DOCK2: variants seen among roughly 807,000 people sequenced by gnomAD.
The protein encoded by DOCK2 is dedicator of cytokinesis protein 2.
In DOCK2, 87 loss-of-function variants were observed where a neutral mutation model predicts 248.9. That is an observed-to-expected ratio of 0.35 (90% CI 0.29 to 0.42). DOCK2 has a LOEUF of 0.42. DOCK2 is among the 10% of genes least tolerant of loss of function. DOCK2 has a pLI of 1.00. For synonymous variants in DOCK2, 805 were observed against 821.6 expected, an observed-to-expected ratio of 0.98 and a Z score of 0.35; for missense variants, 1,747 against 2,300.2, an observed-to-expected ratio of 0.76 and a Z score of 4.92.
intron 27 of DOCK2, among the ~76,000 whole-genome samples, chr5:169,945,657 C>T (rs1776418442): frequency 1.3e-5 from 2 of 152,226 alleles, no homozygotes; most frequent in South Asian, 2.1e-4. Flanking sequence ...GTGGCCTCTT[C>T]ACACGGGTAC....
chr5:170,027,958 G>T lies in DOCK2; in HGVS notation c.3467+10G>T. 6.2e-7 allele frequency: 1 copy of T among 1,609,496 alleles called. No homozygotes were observed. The highest frequency in any genetic ancestry group is 8.5e-7 in the Non-Finnish European group (1 of 1,177,390). ...AGCTCCTGGAGTCAATGTAAGTTCAGTGCCCTGTGTGTAGGAACAGCCTGT... is the reference window on the plus strand; with the variant it reads ...AGCTCCTGGAGTCAATGTAAGTTCATTGCCCTGTGTGTAGGAACAGCCTGT... On this transcript the variant is annotated intron_variant, in intron 34 of 51. Transcript: ENST00000520908.
intron 23 of DOCK2, among the ~76,000 whole-genome samples, chr5:169,755,942 A>G (rs1764173785): frequency 6.6e-6 from 1 of 152,210 alleles, no homozygotes; most frequent in South Asian, 2.1e-4. Flanking sequence ...GACCATAGAC[A>G]GAAGTCCTCT....
At chr5:169,947,853 T>C (rs1776507452) in intron 27 of DOCK2, among the ~76,000 whole-genome samples, 1 of 151,772 alleles carries the variant, frequency 6.6e-6, no homozygotes, top group Non-Finnish European at 1.5e-5. Context: ...ACCTACAGCA[T>C]ACATGGTGCC....
chr5:169,803,256 T>G (rs372623074), intron 26 of DOCK2, 50 bp downstream of exon 26: 1 of 1,577,852 alleles, frequency 6.3e-7, no homozygotes, highest in East Asian at 2.3e-5. Flanking sequence ...TAGGGCTAAG[T>G]TGATTACATT....
At chr5:169,875,334 G>A (rs751826555) in intron 27 of DOCK2, 15 of 456,536 alleles carry the variant, frequency 3.3e-5, no homozygotes, top group South Asian at 1.5e-4. Flanking sequence ...AGGAGGTTCC[G>A]ATGCAGATGG....
intron 27 of DOCK2, among the ~76,000 whole-genome samples, chr5:169,939,622 G>C (rs1776150317): frequency 6.6e-6 from 1 of 152,094 alleles, no homozygotes; most frequent in Non-Finnish European, 1.5e-5. Flanking sequence ...GTGATGCATT[G>C]TGTTATGACA....
At chr5:169,722,021 A>C (rs996455841) in intron 22 of DOCK2, among the ~76,000 whole-genome samples, 1 of 152,192 alleles carries the variant, frequency 6.6e-6, no homozygotes, top group Non-Finnish European at 1.5e-5. Flanking sequence ...CTTATGAGTA[A>C]TTCCTAAATT....
chr5:169,858,474 A>G (rs527628083), intron 27 of DOCK2, among the ~76,000 whole-genome samples: 100 of 152,268 alleles, frequency 6.6e-4, no homozygotes, highest in African/African-American at 2.4e-3. Context: ...GGTAGGTCCA[A>G]GAAAGCCAAG....
intron 27 of DOCK2, among the ~76,000 whole-genome samples, chr5:169,897,772 C>G (rs990359700): frequency 6.6e-6 from 1 of 152,214 alleles, no homozygotes; most frequent in Non-Finnish European, 1.5e-5. Context: ...CATGGGGAAG[C>G]TCTCACTGCA....
intron 26 of DOCK2, among the ~76,000 whole-genome samples, chr5:169,823,531 C>T (rs192883459): frequency 6.6e-6 from 1 of 152,344 alleles, no homozygotes; most frequent in Admixed American, 6.5e-5. Context: ...ACATGACTGT[C>T]TCAATAGATG....
chr5:169,663,356 T>C (rs1259550923), intron 2 of DOCK2, among the ~76,000 whole-genome samples: 1 of 152,246 alleles, frequency 6.6e-6, no homozygotes, highest in African/African-American at 2.4e-5. Flanking sequence ...AAGCTGTTGG[T>C]GGATCTACAA....
In DOCK2 at chr5:169,637,284, CT is replaced by C. The variant is rs762863565; in HGVS notation, c.-42del. The C allele has an allele frequency of 2.1e-5, 30 of 1,436,588 alleles. No homozygotes were observed. The highest frequency in any genetic ancestry group is 2.6e-5 in the Non-Finnish European group (29 of 1,099,058). The allele number at this position is 1,436,588 out of a possible 1,614,324, so 89.0% of individuals were successfully genotyped here. On this transcript the variant is annotated 5_prime_UTR_variant, in exon 1 of 52. Coordinates refer to ENST00000520908, the MANE Select transcript of DOCK2 (RefSeq NM_004946.3). ...GGGCCCTGCGGCGCCCAGCCACCCC[CT>C]GACGGCTTCCCCACGGGAGGACGCG...
intron 44 of DOCK2, among the ~76,000 whole-genome samples, chr5:170,062,059 G>A (rs1757347137): frequency 6.6e-6 from 1 of 152,006 alleles, no homozygotes; most frequent in South Asian, 2.1e-4. Context: ...GTGTGCATGT[G>A]TGGATGCATG....
chr5:170,062,242 G>A (rs765049054), intron 44 of DOCK2, among the ~76,000 whole-genome samples: 4 of 152,016 alleles, frequency 2.6e-5, no homozygotes, highest in Admixed American at 6.6e-5. Flanking sequence ...GGAGTAAGGA[G>A]GCTATAATTT....
chr5:169,672,163 C>G (rs528637485), intron 5 of DOCK2, among the ~76,000 whole-genome samples: 1 of 151,950 alleles, frequency 6.6e-6, no homozygotes, highest in East Asian at 1.9e-4. Context: ...CCCGCCACCA[C>G]GCCCAGCTAA....
intron 32 of DOCK2, among the ~76,000 whole-genome samples, chr5:170,009,252 C>T (rs550741775): frequency 6.6e-6 from 1 of 151,990 alleles, no homozygotes; most frequent in Non-Finnish European, 1.5e-5. Context: ...CTGAATGATA[C>T]CTGTGGAGGG....
At chr5:169,808,677 C>T (rs1048224618) in intron 26 of DOCK2, among the ~76,000 whole-genome samples, 13 of 152,154 alleles carry the variant, frequency 8.5e-5, no homozygotes, top group Middle Eastern at 3.4e-3. Context: ...TGCTGGCTGC[C>T]GAGTAACTGA....
At chr5:169,994,354 A>C (rs1224473998) in intron 29 of DOCK2, among the ~76,000 whole-genome samples, 2 of 152,230 alleles carry the variant, frequency 1.3e-5, no homozygotes, top group African/African-American at 2.4e-5. Context: ...AAATCATCCT[A>C]GACCATGATG....
chr5:169,745,748 C>T (rs924773631), intron 22 of DOCK2, among the ~76,000 whole-genome samples: 3 of 152,150 alleles, frequency 2.0e-5, no homozygotes, highest in African/African-American at 7.2e-5. Flanking sequence ...CAGAGCAGTG[C>T]TCTGTAATGT....
Sources: gnomAD v4.1 joint callset for allele counts (sites outside exome capture counted in the v4.1 genomes callset) on GRCh38, gnomAD v4.1.1 for gene constraint, MANE v1.5 for transcripts, NCBI Gene and HGNC (gene_info 2026-07-23, HGNC 2026-07-21) for gene names.